Variants in GRK3 observed in about 807,000 individuals in gnomAD.
GRK3 encodes the protein G protein-coupled receptor kinase 3.
In GRK3, 54 loss-of-function variants were observed where a neutral mutation model predicts 95.7. That is an observed-to-expected ratio of 0.56 (90% CI 0.45 to 0.71). The LOEUF is 0.71. GRK3 is among the 30% of genes least tolerant of loss of function. The pLI is 0.00. For synonymous variants in GRK3, 281 were observed against 290.8 expected (o/e 0.97, Z 0.34); for missense variants, 649 against 851.2 (o/e 0.76, Z 2.96).
intron 3 of GRK3, among the ~76,000 whole-genome samples, chr22:25,658,850 T>G (rs1183745583): frequency 6.6e-6 from 1 of 152,120 alleles, no homozygotes; most frequent in Non-Finnish European, 1.5e-5. Context: ...CTCATTTTTT[T>G]GATAAAGAAG....
At chr22:25,651,468 G>C (rs112738577) in intron 3 of GRK3, among the ~76,000 whole-genome samples, 208 of 152,222 alleles carry the variant, frequency 1.4e-3, no homozygotes, top group Non-Finnish European at 2.8e-3. Flanking sequence ...TAAAAACTGT[G>C]GTTGTTTTTT....
At chr22:25,650,231 C>T (rs536202825) in intron 3 of GRK3, among the ~76,000 whole-genome samples, 2 of 152,030 alleles carry the variant, frequency 1.3e-5, no homozygotes, top group Non-Finnish European at 2.9e-5. Context: ...TTAGTAGAGA[C>T]GGGGTTTCAC....
intron 2 of GRK3, among the ~76,000 whole-genome samples, chr22:25,629,552 T>C (rs562009021): frequency 2.4e-4 from 36 of 152,300 alleles, no homozygotes; most frequent in African/African-American, 8.4e-4. Context: ...TTCGATGTCT[T>C]TTCTCCCAAC....
intron 2 of GRK3, among the ~76,000 whole-genome samples, chr22:25,605,542 TA>T (rs574325574): frequency 1.2e-3 from 184 of 152,082 alleles, no homozygotes; most frequent in African/African-American, 4.3e-3. Context: ...ATTTGCTAGT[TA>T]AAAATTTTTT....
At chr22:25,642,778 T>C (rs1338477803) in intron 2 of GRK3, among the ~76,000 whole-genome samples, 1 of 152,210 alleles carries the variant, frequency 6.6e-6, no homozygotes, top group Non-Finnish European at 1.5e-5. Context: ...CCATCTGTGT[T>C]GCTGCAGAGG....
intron 1 of GRK3, among the ~76,000 whole-genome samples, chr22:25,570,230 A>G (rs1931642524): frequency 6.6e-6 from 1 of 152,240 alleles, no homozygotes; most frequent in Admixed American, 6.5e-5. Context: ...ATGAGCTTGA[A>G]GGTGAAATGC....
Position 25,610,015 on chromosome 22 carries a change from T to G in GRK3, c.190+5562T>G, listed in dbSNP as rs536554375. Among the ~76,000 whole-genome samples the G allele has an allele frequency of 2.6e-5, 4 of 151,270 alleles. No homozygotes were observed. The South Asian group carries it at 8.4e-4, about 32-fold the overall frequency. On this transcript the variant is annotated intron_variant, in intron 2 of 20. Transcript: ENST00000324198. ...GGCACACGCCACCATGCCTGGCTAA[T>G]TTTTGTATTTTTTTTTAAGGAGACA...
chr22:25,582,401 A>C (rs2146319893), intron 1 of GRK3, among the ~76,000 whole-genome samples: 1 of 152,276 alleles, frequency 6.6e-6, no homozygotes, highest in Admixed American at 6.5e-5. Flanking sequence ...GTAAATTGAG[A>C]GCTGTAACAT....
chr22:25,634,428 G>A (rs2084685712), intron 2 of GRK3, among the ~76,000 whole-genome samples: 1 of 152,134 alleles, frequency 6.6e-6, no homozygotes, highest in African/African-American at 2.4e-5. Flanking sequence ...GGGAGCTAGT[G>A]TGCTTGCTTA....
At chr22:25,665,648 T>C (rs1227612374) in intron 5 of GRK3, among the ~76,000 whole-genome samples, 4 of 152,218 alleles carry the variant, frequency 2.6e-5, no homozygotes, top group Non-Finnish European at 5.9e-5. Context: ...GAAAATCTTA[T>C]AAAGTTTATT....
intron 6 of GRK3, among the ~76,000 whole-genome samples, chr22:25,670,273 C>T (rs1306888175): frequency 6.6e-6 from 1 of 152,090 alleles, no homozygotes; most frequent in African/African-American, 2.4e-5. Flanking sequence ...TCAGCAGGAT[C>T]GCTTCAGGCT....
chr22:25,720,724 C>T (rs1184441569), intron 19 of GRK3, among the ~76,000 whole-genome samples: 3 of 152,096 alleles, frequency 2.0e-5, no homozygotes, highest in Non-Finnish European at 4.4e-5. Context: ...ATGCACCCGC[C>T]TCGGCCTCCC....
chr22:25,688,235 C>CAAAAAAAAAA (rs35383882), intron 11 of GRK3, among the ~76,000 whole-genome samples: 1 of 63,490 alleles, frequency 1.6e-5, no homozygotes. Flanking sequence ...GACTCTGTCT[C>CAAAAAAAAAA]AAAAAAAAAA....
At chr22:25,571,575 G>A (rs1254152342) in intron 1 of GRK3, among the ~76,000 whole-genome samples, 1 of 152,198 alleles carries the variant, frequency 6.6e-6, no homozygotes, top group Non-Finnish European at 1.5e-5. Flanking sequence ...ATTATGTGTA[G>A]TATAAGATAC....
At chr22:25,703,653 A>G (rs1389927548) in intron 14 of GRK3, 77 bp downstream of exon 14, 7 of 1,101,094 alleles carry the variant, frequency 6.4e-6, no homozygotes, top group Admixed American at 4.0e-5. Context: ...AAAAAATGCT[A>G]TTACATAAAA....
In GRK3 at chr22:25,635,368, A is replaced by G. The variant is rs548070301; in HGVS notation, c.191-9224A>G. ...AACAAGGTTATTCTTTTAGAGAACC[A>G]CAGTACAATGTTCAAAATCAGGACA... On this transcript the variant is annotated intron_variant, in intron 2 of 20. Transcript: ENST00000324198. Among the ~76,000 whole-genome samples the G allele has an allele frequency of 2.3e-4, 35 of 152,350 alleles. No homozygotes were observed. In the South Asian group the frequency reaches 3.3e-3, roughly 14 times the overall value.
At chr22:25,668,769 C>G (rs1299343338) in intron 6 of GRK3, among the ~76,000 whole-genome samples, 1 of 152,156 alleles carries the variant, frequency 6.6e-6, no homozygotes, top group East Asian at 1.9e-4. Context: ...TCTGACCTTT[C>G]CCAACTCTTG....
chr22:25,722,033 T>A (rs924077849), intron 20 of GRK3, among the ~76,000 whole-genome samples: 1 of 152,166 alleles, frequency 6.6e-6, no homozygotes, highest in Non-Finnish European at 1.5e-5. Flanking sequence ...CTAAACAAAT[T>A]AAAGGCAGTG....
At chr22:25,606,807 GC>G (rs1345054599) in intron 2 of GRK3, among the ~76,000 whole-genome samples, 4 of 152,122 alleles carry the variant, frequency 2.6e-5, no homozygotes, top group Admixed American at 1.3e-4. Flanking sequence ...AATTTACTTG[GC>G]CTCTGAGGCA....
Sources: gnomAD v4.1 joint callset for allele counts (sites outside exome capture counted in the v4.1 genomes callset) on GRCh38, gnomAD v4.1.1 for gene constraint, MANE v1.5 for transcripts, NCBI Gene and HGNC (gene_info 2026-07-23, HGNC 2026-07-21) for gene names.